The following TBC1D12 variants were observed in gnomAD, a reference collection of about 807,000 sequenced individuals.
The protein encoded by TBC1D12 is TBC1 domain family member 12, also known as TBC1 domain family, member 12.
TBC1D12 carries 56 observed loss-of-function variants against 86.7 expected under a neutral mutation model. The ratio of observed to expected loss-of-function variants is 0.65; its 90% CI spans 0.52 to 0.81. The LOEUF is 0.81. TBC1D12 is among the 30% of genes least tolerant of loss of function. The pLI, the probability that TBC1D12 is intolerant of heterozygous loss-of-function variation, is 0.00. For missense variants in TBC1D12, 1,023 were observed against 1,038.8 expected, an observed-to-expected ratio of 0.98 and a Z score of 0.21; for synonymous variants, 421 against 411.7, an observed-to-expected ratio of 1.02 and a Z score of -0.27.
At chr10:94,462,894 G>A (rs1177218730) in intron 2 of TBC1D12, among the ~76,000 whole-genome samples, 1 of 151,940 alleles carries the variant, frequency 6.6e-6, no homozygotes, top group Admixed American at 6.6e-5. Flanking sequence ...TGTTTTTTGT[G>A]TGTTCTGTTC....
chr10:94,457,558 G>T (rs2055646789), intron 2 of TBC1D12, among the ~76,000 whole-genome samples: 2 of 152,266 alleles, frequency 1.3e-5, no homozygotes, highest in South Asian at 2.1e-4. Flanking sequence ...GGGATTACAG[G>T]CATGAGCCAC....
intron 11 of TBC1D12, 94 bp from the exon 12 acceptor site, chr10:94,531,108 A>G (rs1390376298): frequency 2.2e-6 from 3 of 1,393,784 alleles, no homozygotes; most frequent in Non-Finnish European, 2.9e-6. Context: ...TCTTATCCCT[A>G]ATTAAACACT....
At chr10:94,517,124 C>T (rs1211877479) in intron 9 of TBC1D12, among the ~76,000 whole-genome samples, 1 of 151,998 alleles carries the variant, frequency 6.6e-6, no homozygotes, top group Non-Finnish European at 1.5e-5. Flanking sequence ...ATGCCTATAA[C>T]CCTAGCACTT....
chr10:94,502,629 G>C (rs551275263), intron 6 of TBC1D12, among the ~76,000 whole-genome samples: 1 of 151,490 alleles, frequency 6.6e-6, no homozygotes, highest in African/African-American at 2.4e-5. Flanking sequence ...AGCTCAGGAG[G>C]TGCAATGAGC....
intron 1 of TBC1D12, among the ~76,000 whole-genome samples, chr10:94,437,930 T>G (rs1462114740): frequency 6.6e-6 from 1 of 150,896 alleles, no homozygotes; most frequent in Non-Finnish European, 1.5e-5. Context: ...TCCCCCTTTA[T>G]CCTCCTTTAT....
At chr10:94,440,251 C>T (rs2055360217) in intron 1 of TBC1D12, among the ~76,000 whole-genome samples, 1 of 151,936 alleles carries the variant, frequency 6.6e-6, no homozygotes, top group South Asian at 2.1e-4. Flanking sequence ...CTCACTGCAT[C>T]CTTAACTCCT....
chr10:94,502,892 C>T (rs1404738162), intron 6 of TBC1D12, among the ~76,000 whole-genome samples: 1 of 152,166 alleles, frequency 6.6e-6, no homozygotes, highest in South Asian at 2.1e-4. Context: ...TGCTCTTCCA[C>T]CTGAACTGCT....
chr10:94,500,683 A>C (rs1435680753), intron 6 of TBC1D12, among the ~76,000 whole-genome samples: 4 of 152,242 alleles, frequency 2.6e-5, no homozygotes, highest in Non-Finnish European at 5.9e-5. Flanking sequence ...TACAGAAAAC[A>C]TAAATACTGG....
At chr10:94,505,142 T>C (rs2056444110) in intron 6 of TBC1D12, among the ~76,000 whole-genome samples, 1 of 152,210 alleles carries the variant, frequency 6.6e-6, no homozygotes, top group Non-Finnish European at 1.5e-5. Context: ...GGTATAATAT[T>C]GAAGCTGACT....
intron 1 of TBC1D12, among the ~76,000 whole-genome samples, chr10:94,418,444 GTTTTGAAGAAAATACCTTC>G (rs2134058996): frequency 6.6e-6 from 1 of 152,238 alleles, no homozygotes; most frequent in African/African-American, 2.4e-5. Flanking sequence ...GCTATTGCTA[GTTTTGAAGAAAATACCTTC>G]TTTAGGTTTT....
intron 3 of TBC1D12, among the ~76,000 whole-genome samples, chr10:94,492,268 C>A (rs2056255953): frequency 6.6e-6 from 1 of 152,150 alleles, no homozygotes; most frequent in Non-Finnish European, 1.5e-5. Context: ...GGTCTTGGAA[C>A]ATAACTCCTA....
At position 94,477,792 on chromosome 10, in the gene TBC1D12, G is replaced by T. The variant is rs560544643; in HGVS notation, c.1211+3009G>T. ...AGGGTTCCCCAAACCCCAGGCCCCAGATTGATTCTGGTTAGGAACTGGGCT... is the reference window on the plus strand; with the variant it reads ...AGGGTTCCCCAAACCCCAGGCCCCATATTGATTCTGGTTAGGAACTGGGCT... On this transcript the variant is annotated intron_variant, in intron 3 of 12. Coordinates refer to ENST00000225235, the MANE Select transcript of TBC1D12 (RefSeq NM_015188.2). Among the ~76,000 whole-genome samples, 21 of 152,334 alleles carry T rather than the reference G, an allele frequency of 1.4e-4. No individual in the cohort carries two copies. In the South Asian group the frequency reaches 3.5e-3, roughly 26 times the overall value.
chr10:94,483,472 A>G (rs1288570598), intron 3 of TBC1D12, among the ~76,000 whole-genome samples: 2 of 152,146 alleles, frequency 1.3e-5, no homozygotes, highest in African/African-American at 2.4e-5. Context: ...GGTTGAGATG[A>G]TATTTCATTG....
intron 2 of TBC1D12, among the ~76,000 whole-genome samples, chr10:94,450,451 T>C (rs1291161622): frequency 1.3e-5 from 2 of 151,844 alleles, no homozygotes; most frequent in South Asian, 2.1e-4. Context: ...CAGGAATGAA[T>C]AGGATCTGTT....
intron 2 of TBC1D12, among the ~76,000 whole-genome samples, chr10:94,462,878 A>C (rs1170959685): frequency 6.6e-6 from 1 of 151,292 alleles, no homozygotes; most frequent in Non-Finnish European, 1.5e-5. Context: ...ACTGATTTTC[A>C]CTTCTTGTTT....
At chr10:94,418,469 G>A (rs1380914513) in intron 1 of TBC1D12, among the ~76,000 whole-genome samples, 3 of 151,986 alleles carry the variant, frequency 2.0e-5, no homozygotes, top group Non-Finnish European at 4.4e-5. Flanking sequence ...CCTTCTTTAG[G>A]TTTTCTTATC....
chr10:94,525,333 T>C (rs970627979), intron 11 of TBC1D12, among the ~76,000 whole-genome samples: 9 of 152,058 alleles, frequency 5.9e-5, no homozygotes, highest in African/African-American at 2.2e-4. Context: ...ATATAATGGC[T>C]GGGCATGGTG....
At chr10:94,407,147 T>G (rs1225686024) in intron 1 of TBC1D12, among the ~76,000 whole-genome samples, 1 of 152,196 alleles carries the variant, frequency 6.6e-6, no homozygotes, top group Non-Finnish European at 1.5e-5. Flanking sequence ...TTAAGACACA[T>G]CATTTTGGTA....
At chr10:94,408,692 T>C (rs1362497923) in intron 1 of TBC1D12, among the ~76,000 whole-genome samples, 1 of 152,164 alleles carries the variant, frequency 6.6e-6, no homozygotes, top group Non-Finnish European at 1.5e-5. Flanking sequence ...TAAGTCTCCC[T>C]TACTTGTTCC....
Sources: gnomAD v4.1 joint callset for allele counts (sites outside exome capture counted in the v4.1 genomes callset) on GRCh38, gnomAD v4.1.1 for gene constraint, MANE v1.5 for transcripts, NCBI Gene and HGNC (gene_info 2026-07-23, HGNC 2026-07-21) for gene names.